DPYD: variants seen among roughly 807,000 people sequenced by gnomAD.
The protein encoded by DPYD is dihydropyrimidine dehydrogenase, also known as dihydropyrimidine dehydrogenase [NADP(+)].
Under a neutral mutation model 116.2 loss-of-function variants are expected in DPYD, and 109 were observed. That is an observed-to-expected ratio of 0.94 (90% CI 0.80 to 1.10). The LOEUF is 1.10. Among genes scored for constraint, DPYD ranks in the 50% least tolerant of loss-of-function variants. The pLI, the probability that DPYD is intolerant of heterozygous loss-of-function variation, is 0.00. For missense variants in DPYD, 1,302 were observed against 1,254.5 expected (o/e 1.04, Z -0.57); for synonymous variants, 440 against 432.0 (o/e 1.02, Z -0.23).
chr1:97,355,649 T>C (rs1670391761), intron 16 of DPYD, among the ~76,000 whole-genome samples: 1 of 152,164 alleles, frequency 6.6e-6, no homozygotes, highest in African/African-American at 2.4e-5. Context: ...GTTTCATTGT[T>C]TTAGAGTCCA....
intron 1 of DPYD, among the ~76,000 whole-genome samples, chr1:97,891,944 A>C (rs1329739609): frequency 6.6e-6 from 1 of 151,874 alleles, no homozygotes. Context: ...AAAATGATAC[A>C]CATGTTGCTG....
At chr1:97,410,117 C>A (rs1401511242) in intron 14 of DPYD, among the ~76,000 whole-genome samples, 1 of 151,502 alleles carries the variant, frequency 6.6e-6, no homozygotes, top group African/African-American at 2.4e-5. Context: ...TACAAACGAC[C>A]TCCTCCCAGC....
intron 20 of DPYD, among the ~76,000 whole-genome samples, chr1:97,100,407 C>T (rs1650582522): frequency 6.6e-6 from 1 of 151,996 alleles, no homozygotes; most frequent in Non-Finnish European, 1.5e-5. Context: ...GCGTGCTTCT[C>T]TTATACCTCA....
intron 1 of DPYD, among the ~76,000 whole-genome samples, chr1:97,918,144 C>T (rs148985929): frequency 0.011 from 1,615 of 152,270 alleles, 17 homozygotes; most frequent in Non-Finnish European, 0.018. Context: ...CTTTAAAATG[C>T]TAATCATTTC....
At chr1:97,338,959 TAGTTTCA>T (rs1177430769) in intron 16 of DPYD, among the ~76,000 whole-genome samples, 1 of 152,156 alleles carries the variant, frequency 6.6e-6, no homozygotes, top group Non-Finnish European at 1.5e-5. Context: ...AGGAGAATGT[TAGTTTCA>T]ATGTAATGAG....
chr1:97,885,200 A>G (rs1672421157), intron 1 of DPYD, among the ~76,000 whole-genome samples: 1 of 152,060 alleles, frequency 6.6e-6, no homozygotes, highest in Admixed American at 6.6e-5. Context: ...AGATTCCATG[A>G]TTCTTTAAAA....
At chr1:97,123,795 A>G (rs1185083579) in intron 20 of DPYD, among the ~76,000 whole-genome samples, 2 of 152,060 alleles carry the variant, frequency 1.3e-5, no homozygotes, top group East Asian at 3.9e-4. Context: ...TGTTAGCTTC[A>G]TTACAACATC....
intron 13 of DPYD, among the ~76,000 whole-genome samples, chr1:97,475,869 C>T (rs548753171): frequency 2.0e-5 from 3 of 152,270 alleles, no homozygotes; most frequent in African/African-American, 7.2e-5. Flanking sequence ...AAGTTAATAC[C>T]TGATCCAAGA....
chr1:97,776,069 CAT>C (rs1257472117), intron 3 of DPYD, among the ~76,000 whole-genome samples: 5 of 152,176 alleles, frequency 3.3e-5, no homozygotes, highest in African/African-American at 1.2e-4. Flanking sequence ...GTTACAAAAA[CAT>C]AGAATGAATA....
intron 3 of DPYD, among the ~76,000 whole-genome samples, chr1:97,784,158 T>C (rs932180681): frequency 2.6e-5 from 4 of 152,136 alleles, no homozygotes; most frequent in African/African-American, 9.7e-5. Flanking sequence ...GCGTTCAACA[T>C]AGGAGGAATA....
chr1:97,869,863 T>C (rs1004228083), intron 2 of DPYD, among the ~76,000 whole-genome samples: 1 of 151,864 alleles, frequency 6.6e-6, no homozygotes, highest in Non-Finnish European at 1.5e-5. Flanking sequence ...ATTTCTTTCA[T>C]GTGAAGGTCT....
At chr1:97,734,479 T>C (rs1395902216) in intron 4 of DPYD, among the ~76,000 whole-genome samples, 1 of 152,142 alleles carries the variant, frequency 6.6e-6, no homozygotes, top group African/African-American at 2.4e-5. Flanking sequence ...GTCTTCATTT[T>C]TTAAAGTTTC....
At chr1:97,605,832 T>TA (rs1356870869) in intron 8 of DPYD, among the ~76,000 whole-genome samples, 1 of 152,036 alleles carries the variant, frequency 6.6e-6, no homozygotes, top group Non-Finnish European at 1.5e-5. Flanking sequence ...ACTTAAAGCT[T>TA]AAAAAATCTA....
chr1:97,488,428 C>G (rs1678775131), intron 13 of DPYD, among the ~76,000 whole-genome samples: 1 of 152,070 alleles, frequency 6.6e-6, no homozygotes, highest in Non-Finnish European at 1.5e-5. Flanking sequence ...CACACACATA[C>G]ACAAAGGAAT....
intron 3 of DPYD, among the ~76,000 whole-genome samples, chr1:97,780,543 G>A (rs776880007): frequency 1.2e-4 from 19 of 152,152 alleles, no homozygotes; most frequent in Admixed American, 2.0e-4. Context: ...CTAGTGCCAC[G>A]TTTAACTCCT....
intron 13 of DPYD, among the ~76,000 whole-genome samples, chr1:97,502,789 A>G (rs1328758839): frequency 6.6e-6 from 1 of 151,992 alleles, no homozygotes; most frequent in East Asian, 1.9e-4. Flanking sequence ...TGGTAATAAG[A>G]ATTATAACTT....
chr1:97,790,761 A>T lies in DPYD; in HGVS notation c.233+37353T>A, dbSNP rs568399862. On this transcript the variant is annotated intron_variant, in intron 3 of 22. Coordinates refer to ENST00000370192, the MANE Select transcript of DPYD (RefSeq NM_000110.4). ...TAGGTCACATATTGGAAAAAGTAGA[A>T]TTACTAGAAAGACATTCTGTTGAGT... Among the ~76,000 whole-genome samples the T allele has an allele frequency of 1.6e-4, 24 of 152,320 alleles. No homozygotes were observed. The East Asian group carries it at 4.4e-3, about 28-fold the overall frequency.
At chr1:97,448,215 TA>T (rs1000162639) in intron 14 of DPYD, among the ~76,000 whole-genome samples, 1 of 151,066 alleles carries the variant, frequency 6.6e-6, no homozygotes, top group African/African-American at 2.4e-5. Context: ...CATCTCTAGT[TA>T]AAAAAAAATG....
intron 19 of DPYD, among the ~76,000 whole-genome samples, chr1:97,205,052 T>C (rs960102194): frequency 6.6e-6 from 1 of 152,068 alleles, no homozygotes; most frequent in Non-Finnish European, 1.5e-5. Flanking sequence ...AGATAGTACA[T>C]AGAGTTTCAT....
Sources: gnomAD v4.1 joint callset for allele counts (sites outside exome capture counted in the v4.1 genomes callset) on GRCh38, gnomAD v4.1.1 for gene constraint, MANE v1.5 for transcripts, NCBI Gene and HGNC (gene_info 2026-07-23, HGNC 2026-07-21) for gene names.